The following MICAL3 variants were observed in gnomAD, a reference collection of about 807,000 sequenced individuals.
MICAL3 encodes the protein [F-actin]-monooxygenase MICAL3.
A neutral mutation model predicts 207.4 loss-of-function variants in MICAL3; 62 were observed. The observed-to-expected ratio is 0.30, with a 90% CI of 0.24 to 0.37. The LOEUF (loss-of-function observed/expected upper bound fraction) is 0.37, where lower values mean the gene tolerates loss of function less well. MICAL3 is among the 10% of genes least tolerant of loss of function. The pLI, the probability that MICAL3 is intolerant of heterozygous loss-of-function variation, is 1.00. For missense variants in MICAL3, 2,368 were observed against 2,635.6 expected, an observed-to-expected ratio of 0.90 and a Z score of 2.22; for synonymous variants, 1,077 against 1,069.3, an observed-to-expected ratio of 1.01 and a Z score of -0.14.
At chr22:17,880,000 C>T (rs1050556166) in intron 16 of MICAL3, among the ~76,000 whole-genome samples, 1 of 152,194 alleles carries the variant, frequency 6.6e-6, no homozygotes, top group Non-Finnish European at 1.5e-5. Flanking sequence ...ATCCGAGGAG[C>T]CAGAAGCGGC....
At position 17,818,617 on chromosome 22, in the gene MICAL3, C is replaced by T. The variant is rs1569078551; in HGVS notation, c.4044G>A (p.Gly1348=). The T allele has an allele frequency of 6.2e-7, 1 of 1,613,604 alleles. No individual in the cohort carries two copies. Among genetic ancestry groups the T allele is most frequent in the Non-Finnish European group, 8.5e-7 (1 of 1,179,892 alleles). ...LGLTPVDRSK[G]PEPSFPTPAF... ...CAGGCGTGGGGAAGCTGGGCTCGGG[C>T]CCCTTGCTGCGGTCCACAGGTGTGA... is the stretch of plus-strand genomic sequence containing the variant. The change falls in exon 26 of 32, where the codon GGG becomes GGA. Residue 1348 remains glycine (G), a synonymous_variant. Coordinates refer to ENST00000441493, the MANE Select transcript of MICAL3 (RefSeq NM_015241.3).
At chr22:17,961,150 T>C (rs1602298016) in intron 1 of MICAL3, among the ~76,000 whole-genome samples, 1 of 152,072 alleles carries the variant, frequency 6.6e-6, no homozygotes, top group Non-Finnish European at 1.5e-5. Flanking sequence ...TGGCTGGCGG[T>C]GGCCTGGCCT....
intron 29 of MICAL3, among the ~76,000 whole-genome samples, chr22:17,805,061 A>C (rs2061976638): frequency 6.6e-6 from 1 of 152,248 alleles, no homozygotes; most frequent in South Asian, 2.1e-4. Flanking sequence ...CTGGAAAGGC[A>C]GCTTGGCTAA....
chr22:17,995,403 C>T (rs1168656114), intron 1 of MICAL3, among the ~76,000 whole-genome samples: 1 of 151,968 alleles, frequency 6.6e-6, no homozygotes, highest in African/African-American at 2.4e-5. Flanking sequence ...TCTCAAACTC[C>T]TGGCCTCAAG....
chr22:17,871,040 T>C (rs978242584), intron 17 of MICAL3, among the ~76,000 whole-genome samples: 6 of 152,210 alleles, frequency 3.9e-5, no homozygotes, highest in Non-Finnish European at 8.8e-5. Flanking sequence ...TAAAGATTAC[T>C]GCCTCTCCTA....
chr22:17,791,277 T>C lies in MICAL3; in HGVS notation c.5675A>G (p.Lys1892Arg), dbSNP rs1423572673. 4.3e-6 allele frequency: 7 copies of C among 1,613,628 alleles called. No individual in the cohort carries two copies. The highest frequency in any genetic ancestry group is 5.9e-6 in the Non-Finnish European group (7 of 1,179,840). ...TAGCTTGAACCACTCCTGCATCAGC[T>C]TGGGGTCGTCCTTCTTGCCCATGCC... ...EAGMGKKDDP[K>R]LMQEWFKLVQ... The change falls in exon 30 of 32, where the codon AAG becomes AGG. Residue 1892 changes from lysine to arginine, a missense_variant. Physicochemically the swap from Lys to Arg is conservative, Grantham distance 26. This residue lies in a region of MICAL3 where 1,770 missense variants were observed against 1,863.2 expected (regional missense o/e 0.95). Coordinates refer to ENST00000441493, the MANE Select transcript of MICAL3 (RefSeq NM_015241.3).
chr22:17,891,741 G>T (rs1005822499), intron 11 of MICAL3, 109 bp from the exon 12 acceptor site: 3 of 1,021,694 alleles, frequency 2.9e-6, no homozygotes, highest in East Asian at 2.6e-5. Flanking sequence ...TGAGGGTAGG[G>T]ACGAAACAGT....
At chr22:17,929,819 T>C (rs1254309347) in intron 1 of MICAL3, among the ~76,000 whole-genome samples, 1 of 152,152 alleles carries the variant, frequency 6.6e-6, no homozygotes, top group Non-Finnish European at 1.5e-5. Context: ...CCACCCGCCT[T>C]GGCCTCCCAA....
At chr22:17,994,668 TGCCACTCCAGCTGGG>T (rs751586105) in intron 1 of MICAL3, among the ~76,000 whole-genome samples, 3 of 149,950 alleles carry the variant, frequency 2.0e-5, no homozygotes, top group Non-Finnish European at 3.0e-5. Context: ...GCCGAGATCA[TGCCACTCCAGCTGGG>T]GCCACTCCAG....
rs192460882 is a variant in MICAL3, at chr22:17,822,334, C to T, written c.3308-164G>A. On this transcript the variant is annotated intron_variant, in intron 23 of 31. Coordinates refer to ENST00000441493, the MANE Select transcript of MICAL3 (RefSeq NM_015241.3). ...ACAGACCTGCCTACCAGACCACCCC[C>T]GCTCCTGAGGGGCCCGGCCAAGAGC... Among the ~76,000 whole-genome samples the T allele has an allele frequency of 3.9e-5, 6 of 152,372 alleles. No homozygotes were observed. In the East Asian group the frequency reaches 5.8e-4, roughly 15 times the overall value.
intron 20 of MICAL3, among the ~76,000 whole-genome samples, 167 bp from the exon 21 acceptor site, chr22:17,832,274 G>A (rs977932123): frequency 3.9e-5 from 6 of 152,222 alleles, no homozygotes; most frequent in African/African-American, 1.4e-4. Context: ...CAGGGTACCT[G>A]GGCATGAGAA....
At chr22:17,965,236 T>C (rs1224036595) in intron 1 of MICAL3, among the ~76,000 whole-genome samples, 2 of 151,026 alleles carry the variant, frequency 1.3e-5, no homozygotes, top group African/African-American at 4.9e-5. Flanking sequence ...TGAGAATGGC[T>C]GTGCTTGCGA....
At chr22:17,884,066 T>G (rs2146213961) in intron 16 of MICAL3, among the ~76,000 whole-genome samples, 1 of 152,344 alleles carries the variant, frequency 6.6e-6, no homozygotes. Flanking sequence ...CTTTTAACTT[T>G]CTCAAATCCC....
Position 17,866,100 on chromosome 22 carries a change from C to G in MICAL3, c.2429-88G>C. On this transcript the variant is annotated intron_variant, in intron 17 of 31. Transcript: ENST00000441493. Reference sequence around the variant, plus strand: ...CCTGGTCTCAGCCACTCCTTTCCATCTCCTCCAGCCTCACAAGGCCATCAA... The same window carrying G: ...CCTGGTCTCAGCCACTCCTTTCCATGTCCTCCAGCCTCACAAGGCCATCAA... 4 of 972,982 alleles carry G rather than the reference C, an allele frequency of 4.1e-6. No homozygotes were observed. The South Asian group carries it at 5.4e-5, about 13-fold the overall frequency. The allele number at this position is 972,982 out of a possible 1,614,324, so 60.3% of individuals were successfully genotyped here. A position where few individuals can be genotyped will look rare whatever the true frequency, so the allele number is the denominator to read the frequency against.
At chr22:17,875,562 A>G (rs1241995116) in intron 16 of MICAL3, 1 of 1,530,308 alleles carries the variant, frequency 6.5e-7, no homozygotes, top group African/African-American at 1.4e-5. Context: ...TGGCTATAAA[A>G]TACAAGATGG....
intron 29 of MICAL3, among the ~76,000 whole-genome samples, chr22:17,803,045 G>A (rs2061955628): frequency 6.6e-6 from 1 of 152,212 alleles, no homozygotes; most frequent in Non-Finnish European, 1.5e-5. Context: ...GAACCCACTG[G>A]AAGGTCTGTT....
Position 17,845,024 on chromosome 22 carries a change from G to A in MICAL3, c.2606-3007C>T, listed in dbSNP as rs541018375. ...CCATAATGAACAGGGGAGGGCTGAG[G>A]ATACACTGTCTGTGGCGCCATTTGA... On this transcript the variant is annotated intron_variant, in intron 19 of 31. Coordinates refer to ENST00000441493, the MANE Select transcript of MICAL3 (RefSeq NM_015241.3). Among the ~76,000 whole-genome samples the A allele has an allele frequency of 1.4e-3, 208 of 152,272 alleles. 1 individual carries two copies. Among genetic ancestry groups the A allele is most frequent in the African/African-American group, 4.8e-3 (198 of 41,556 alleles).
intron 1 of MICAL3, among the ~76,000 whole-genome samples, chr22:18,010,030 GA>G (rs1226148806): frequency 1.0e-5 from 1 of 97,650 alleles, no homozygotes; most frequent in East Asian, 2.3e-4. Context: ...GAAGGGAAGG[GA>G]GGGGAGGGAG....
At chr22:17,875,414 G>C (rs544369350) in intron 16 of MICAL3, 1 of 1,371,170 alleles carries the variant, frequency 7.3e-7, no homozygotes, top group South Asian at 1.4e-5. Context: ...GGCTGCGGAG[G>C]GCAGAGTTTT....
Sources: gnomAD v4.1 joint callset for allele counts (sites outside exome capture counted in the v4.1 genomes callset) on GRCh38, gnomAD v4.1.1 for gene constraint, gnomAD v4.1.1 regional missense constraint, MANE v1.5 for transcripts, NCBI Gene and HGNC (gene_info 2026-07-23, HGNC 2026-07-21) for gene names.